Variants in DMD observed in about 807,000 individuals in gnomAD.
DMD encodes mutant dystrophin.
In DMD, 63 loss-of-function variants were observed where a neutral mutation model predicts 330.1. The ratio of observed to expected loss-of-function variants is 0.19; its 90% CI spans 0.16 to 0.24. The LOEUF (loss-of-function observed/expected upper bound fraction) is 0.24, where lower values mean the gene tolerates loss of function less well. DMD is among the 10% of genes least tolerant of loss of function. The pLI, the probability that DMD is intolerant of heterozygous loss-of-function variation, is 1.00. For synonymous variants in DMD, 1,223 were observed against 959.8 expected (o/e 1.27, Z -5.07); for missense variants, 3,344 against 2,684.1 (o/e 1.25, Z -5.43).
intron 37 of DMD, among the ~76,000 whole-genome samples, chrX:32,349,931 A>C (rs2097775974): frequency 9.0e-6 from 1 of 111,593 alleles, no homozygotes. Context: ...ACGGTACAAT[A>C]AAATCATACA....
At chrX:32,526,237 TTATTTC>T (rs763211226) in intron 17 of DMD, among the ~76,000 whole-genome samples, 1 of 112,150 alleles carries the variant, frequency 8.9e-6, no homozygotes, top group South Asian at 3.7e-4. Flanking sequence ...CACAAAATGA[TTATTTC>T]TATAATTATT....
chrX:31,128,162 T>G (rs1257685554), intron 77 of DMD, among the ~76,000 whole-genome samples: 1 of 111,448 alleles, frequency 9.0e-6, no homozygotes, highest in African/African-American at 3.3e-5. Context: ...TTTAGCAAGG[T>G]TTTTTTAAAA....
intron 7 of DMD, among the ~76,000 whole-genome samples, chrX:32,775,222 G>A (rs2074018682): frequency 8.9e-6 from 1 of 112,392 alleles, no homozygotes; most frequent in African/African-American, 3.2e-5. Context: ...GGCTTTCACA[G>A]TGCCTGCAGC....
chrX:33,155,200 G>A (rs1404796908), intron 1 of DMD, among the ~76,000 whole-genome samples: 2 of 111,604 alleles, frequency 1.8e-5, no homozygotes, highest in African/African-American at 3.3e-5. Context: ...TATGATTTGG[G>A]AGGGAAAAAT....
intron 60 of DMD, among the ~76,000 whole-genome samples, chrX:31,434,161 C>G (rs1003947207): frequency 8.1e-5 from 9 of 111,050 alleles, no homozygotes; most frequent in African/African-American, 3.0e-4. Flanking sequence ...GGAAATCTTC[C>G]CTAGATGTGA....
chrX:32,529,760 A>G (rs987119479), intron 17 of DMD, among the ~76,000 whole-genome samples: 1 of 111,041 alleles, frequency 9.0e-6, no homozygotes, highest in African/African-American at 3.3e-5. Context: ...AAATCTAAAG[A>G]TGTTATAATT....
chrX:32,002,995 G>A (rs1424169011), intron 44 of DMD, among the ~76,000 whole-genome samples: 1 of 111,583 alleles, frequency 9.0e-6, no homozygotes, highest in Non-Finnish European at 1.9e-5. Context: ...TAGTTTGGAA[G>A]TTAAGTCTAT....
chrX:32,603,473 C>G (rs808524), intron 12 of DMD, among the ~76,000 whole-genome samples: 1 of 108,966 alleles, frequency 9.2e-6, no homozygotes, highest in Admixed American at 9.8e-5. Flanking sequence ...AAGAACAAAC[C>G]GAAACCAAAG....
intron 43 of DMD, among the ~76,000 whole-genome samples, chrX:32,256,818 T>C (rs1304480994): frequency 9.0e-6 from 1 of 111,351 alleles, no homozygotes; most frequent in Non-Finnish European, 1.9e-5. Flanking sequence ...AATTCCCTTA[T>C]TGAAGAGTGT....
chrX:32,493,404 T>C (rs896149286), intron 19 of DMD, among the ~76,000 whole-genome samples: 1 of 111,753 alleles, frequency 8.9e-6, no homozygotes. Context: ...ACAATGGAAA[T>C]AATAGAATGT....
chrX:31,257,084 T>C (rs889088003), intron 63 of DMD, among the ~76,000 whole-genome samples: 1 of 108,130 alleles, frequency 9.2e-6, no homozygotes, highest in Non-Finnish European at 1.9e-5. Flanking sequence ...AAACCCTGGG[T>C]GCAGGGGAAC....
chrX:31,368,194 G>C (rs1183013415), intron 60 of DMD, among the ~76,000 whole-genome samples: 1 of 112,391 alleles, frequency 8.9e-6, no homozygotes, highest in African/African-American at 3.2e-5. Flanking sequence ...AGGGGTTAGT[G>C]CTTTGGCAGC....
intron 61 of DMD, among the ~76,000 whole-genome samples, chrX:31,325,603 A>C (rs2056732529): frequency 1.8e-5 from 2 of 111,186 alleles, no homozygotes; most frequent in African/African-American, 6.5e-5. Flanking sequence ...GACAAGAGCA[A>C]AACTCCAACT....
chrX:31,124,761 T>C (rs907224794), intron 78 of DMD, among the ~76,000 whole-genome samples: 3 of 112,039 alleles, frequency 2.7e-5, no homozygotes, highest in Non-Finnish European at 5.6e-5. Context: ...CCTGAGGGAA[T>C]TGTTTTCCAC....
intron 53 of DMD, among the ~76,000 whole-genome samples, chrX:31,661,377 T>C (rs1407108994): frequency 9.1e-6 from 1 of 109,826 alleles, no homozygotes; most frequent in Non-Finnish European, 1.9e-5. Flanking sequence ...TTTTTCTCCC[T>C]TCTTAAAGAC....
At chrX:32,205,915 G>T (rs73458070) in intron 44 of DMD, 3,588 of 355,724 alleles carry the variant, frequency 0.01, 111 homozygotes, top group African/African-American at 0.084. Context: ...ATGGACATGA[G>T]TCCTCTGAGG....
At chrX:31,213,130 A>C (rs1474069966) in intron 64 of DMD, among the ~76,000 whole-genome samples, 1 of 112,547 alleles carries the variant, frequency 8.9e-6, no homozygotes, top group Non-Finnish European at 1.9e-5. Flanking sequence ...CTCCCAAGCA[A>C]ATCTTTGCAC....
intron 44 of DMD, among the ~76,000 whole-genome samples, chrX:32,204,156 T>C (rs777048816): frequency 8.6e-4 from 96 of 111,948 alleles, no homozygotes; most frequent in African/African-American, 3.1e-3. Context: ...CTTAATGTTT[T>C]TGGCTTAACA....
chrX:32,485,206 T>G, intron 20 of DMD, 107 bp from the exon 21 acceptor site: 1 of 702,843 alleles, frequency 1.4e-6, no homozygotes, highest in Non-Finnish European at 2.2e-6. Flanking sequence ...TTAATACCCT[T>G]CACAAATATC....
Sources: gnomAD v4.1 joint callset for allele counts (sites outside exome capture counted in the v4.1 genomes callset) on GRCh38, gnomAD v4.1.1 for gene constraint, MANE v1.5 for transcripts, NCBI Gene and HGNC (gene_info 2026-07-23, HGNC 2026-07-21) for gene names.